The following CYP2D6 variants were observed in gnomAD, a reference collection of about 807,000 sequenced individuals.
CYP2D6 encodes the protein cytochrome P450 family 2 subfamily D member 6 (gene/pseudogene).
CYP2D6 carries 51 observed loss-of-function variants against 43.5 expected under a neutral mutation model. The ratio of observed to expected loss-of-function variants is 1.17; its 90% CI spans 0.94 to 1.48. CYP2D6 has a LOEUF of 1.48. Among genes scored for constraint, CYP2D6 ranks in the 40% most tolerant of loss-of-function variants. The pLI is 0.00. For synonymous variants in CYP2D6, 346 were observed against 297.1 expected (o/e 1.16, Z -1.69); for missense variants, 698 against 688.0 (o/e 1.01, Z -0.16).
chr22:42,126,635 T>A lies in CYP2D6; in HGVS notation c.1433A>T (p.His478Leu). 6.2e-7 allele frequency: 1 copy of A among 1,609,062 alleles called. No homozygotes were observed. The highest frequency in any genetic ancestry group is 8.5e-7 in the Non-Finnish European group (1 of 1,177,618). ...VPTGQPRPSH[H>L]GVFAFLVSPS... ...GCTCACCAGGAAAGCAAAGACACCA[T>A]GGTGGCTGGGCCGGGGCTGTCCAGT... The change falls in exon 9 of 9, where the codon CAT becomes CTT. Residue 478 changes from histidine to leucine, a missense_variant. By Grantham distance (99) the His-to-Leu change is moderately conservative. This residue lies in a region of CYP2D6 where 85 missense variants were observed against 81.2 expected (regional missense o/e 1.05). Coordinates refer to ENST00000645361, the MANE Select transcript of CYP2D6 (RefSeq NM_000106.6).
At position 42,129,718 on chromosome 22, in the gene CYP2D6, C is replaced by A; in HGVS notation, c.352+20G>T. 6.2e-7 allele frequency: 1 copy of A among 1,609,378 alleles called. No individual in the cohort carries two copies. On this transcript the variant is annotated intron_variant, in intron 2 of 8. Transcript: ENST00000645361. The stretch of plus-strand genomic sequence containing the variant: ...ACCCGGGTCCCACGGAAATCTGTCT[C>A]TGTCCCCACCGCTGCTTGCCTTGGG...
intron 2 of CYP2D6, 174 bp from the exon 3 acceptor site, chr22:42,129,359 GC>G: frequency 2.1e-6 from 2 of 972,252 alleles, no homozygotes; most frequent in South Asian, 1.4e-5. Flanking sequence ...GCAGGGCTTT[GC>G]CCCACCTCGT....
At chr22:42,129,361 C>G in intron 2 of CYP2D6, 176 bp from the exon 3 acceptor site, 1 of 960,420 alleles carries the variant, frequency 1.0e-6, no homozygotes, top group Non-Finnish European at 1.6e-6. Context: ...AGGGCTTTGC[C>G]CCACCTCGTC....
intron 1 of CYP2D6, chr22:42,130,396 C>T (rs1461512484): frequency 3.1e-6 from 2 of 637,396 alleles, no homozygotes; most frequent in South Asian, 3.7e-5. Context: ...CCAAGTCCAG[C>T]TCCACCTCCA....
At chr22:42,130,395 G>A in intron 1 of CYP2D6, 1 of 635,834 alleles carries the variant, frequency 1.6e-6, no homozygotes, top group Non-Finnish European at 2.8e-6. Context: ...GCCAAGTCCA[G>A]CTCCACCTCC....
chr22:42,128,092 A>C (rs2146933744), intron 5 of CYP2D6, 82 bp downstream of exon 5: 1 of 1,585,740 alleles, frequency 6.3e-7, no homozygotes, highest in East Asian at 2.3e-5. Flanking sequence ...GCACTGGTCC[A>C]ACCTTTTGCC....
intron 4 of CYP2D6, 68 bp downstream of exon 4, chr22:42,128,716 C>T (rs1029989133): frequency 2.0e-6 from 3 of 1,537,418 alleles, no homozygotes; most frequent in South Asian, 2.4e-5. Flanking sequence ...TCTTCCGAGG[C>T]CCCAGTCCAG....
chr22:42,129,589 C>G, intron 2 of CYP2D6, 149 bp downstream of exon 2: 1 of 1,080,300 alleles, frequency 9.3e-7, no homozygotes, highest in Non-Finnish European at 1.4e-6. Context: ...GCTCACACCT[C>G]CCTAGTGCAG....
At chr22:42,128,748 C>G (rs752511026) in intron 4 of CYP2D6, 36 bp downstream of exon 4, 1 of 1,589,794 alleles carries the variant, frequency 6.3e-7, no homozygotes, top group Admixed American at 1.7e-5. Flanking sequence ...CTCGGGAGCT[C>G]GCCCTGCAGA....
chr22:42,128,246 C>T lies in CYP2D6; in HGVS notation c.771G>A (p.Glu257=). The T allele has an allele frequency of 6.2e-7, 1 of 1,610,672 alleles. No individual in the cohort carries two copies. Among genetic ancestry groups the T allele is most frequent in the East Asian group, 2.2e-5 (1 of 44,750 alleles). The change falls in exon 5 of 9, where the codon GAG becomes GAA. Residue 257 remains glutamate, a synonymous_variant. Coordinates refer to ENST00000645361, the MANE Select transcript of CYP2D6 (RefSeq NM_000106.6). ...GGGCTGGGTCCCAGGTCATCCTGTG[C>T]TCAGTTAGCAGCTCATCCAGCTGGG... The part of the protein sequence containing the change: ...FLTQLDELLT[E]HRMTWDPAQP...
rs1243885787 is a variant in CYP2D6, at chr22:42,129,818, A to G, written c.272T>C (p.Leu91Pro). The G allele has an allele frequency of 6.2e-7, 1 of 1,602,722 alleles. No individual in the cohort carries two copies. The highest frequency in any genetic ancestry group is 8.5e-7 in the Non-Finnish European group (1 of 1,174,448). ...LNGLAAVREA[L>P]VTHGEDTADR... Reference sequence around the variant, plus strand: ...GGCGGTGTCCTCGCCGTGGGTCACCAGCGCCTCGCGCACGGCCGCCAGCCC... The same window carrying G: ...GGCGGTGTCCTCGCCGTGGGTCACCGGCGCCTCGCGCACGGCCGCCAGCCC... The change falls in exon 2 of 9, where the codon CTG becomes CCG. Residue 91 changes from leucine to proline, a missense_variant. By Grantham distance (98) the Leu-to-Pro change is moderately conservative (BLOSUM62 -3). Around this residue, in one of 5 missense-constraint regions of CYP2D6, gnomAD observed 588 missense variants for 521.1 expected, o/e 1.13. Coordinates refer to ENST00000645361, the MANE Select transcript of CYP2D6 (RefSeq NM_000106.6).
chr22:42,129,089 T>G lies in CYP2D6; in HGVS notation c.449A>C (p.Glu150Ala). Residue 150 changes from glutamate (E) to alanine (A), a missense_variant, in exon 3 of 9, where the codon GAG becomes GCG. Around this residue, in one of 5 missense-constraint regions of CYP2D6, gnomAD observed 588 missense variants for 521.1 expected, o/e 1.13. Transcript: ENST00000645361. ...GGCGGCCTCCTCGGTCACCCACTGCTCCAGCGACTTCTTGCCCAGGCCCAA... is the reference window on the plus strand; with the variant it reads ...GGCGGCCTCCTCGGTCACCCACTGCGCCAGCGACTTCTTGCCCAGGCCCAA... The part of the protein sequence containing the change: ...RNLGLGKKSL[E>A]QWVTEEAACL... 2.5e-6 allele frequency: 4 copies of G among 1,610,112 alleles called. No homozygotes were observed. Among genetic ancestry groups the G allele is most frequent in the Non-Finnish European group, 3.4e-6 (4 of 1,177,844 alleles).
rs1931141853 is a variant in CYP2D6 at position 42,127,598 on chromosome 22, T to A, written c.1022A>T (p.Gln341Leu). 6.2e-7 allele frequency: 1 copy of A among 1,611,888 alleles called. No homozygotes were observed. The highest frequency in any genetic ancestry group is 1.7e-5 in the Admixed American group (1 of 59,940). The part of the protein sequence containing the change: ...VQQEIDDVIG[Q>L]VRRPEMGDQA... ...GTCACCCATCTCTGGTCGCCGCACC[T>A]GCCCTATCACGTCGTCGATCTCCTG... The change falls in exon 7 of 9, where the codon CAG (glutamine) becomes CTG (leucine). Residue 341 changes from glutamine (Q) to leucine (L), a missense_variant. Physicochemically the swap from Gln to Leu is moderately radical, Grantham distance 113. This residue lies in a region of CYP2D6 where 588 missense variants were observed against 521.1 expected (regional missense o/e 1.13). Coordinates refer to ENST00000645361, the MANE Select transcript of CYP2D6 (RefSeq NM_000106.6).
Position 42,128,340 on chromosome 22 carries a change from G to A in CYP2D6, c.677C>T (p.Ala226Val), listed in dbSNP as rs140900383. Residue 226 changes from alanine to valine, a missense_variant, in exon 5 of 9, where the codon GCT becomes GTT. Coordinates refer to ENST00000645361, the MANE Select transcript of CYP2D6 (RefSeq NM_000106.6). ...ESGFLREVLNAVPVLLHIPAL... is the reference protein window; with the variant it reads ...ESGFLREVLNVVPVLLHIPAL... ...TGGGATATGCAGGAGGACGGGGACA[G>A]CATTCAGCACCTACACCAGACAGAA... The A allele has an allele frequency of 2.5e-6, 4 of 1,610,332 alleles. No homozygotes were observed. The highest frequency in any genetic ancestry group is 2.2e-5 in the South Asian group (2 of 90,874).
In CYP2D6 at chr22:42,128,874, C is replaced by T. The variant is rs779492927; in HGVS notation, c.576G>A (p.Gly192=). ...GAGGGTCGTCGTACTCGAAGCGGCGCCCGCAGGTGAGGGAGGCGATCACGT... is the reference window on the plus strand; with the variant it reads ...GAGGGTCGTCGTACTCGAAGCGGCGTCCGCAGGTGAGGGAGGCGATCACGT... ...VSNVIASLTC[G]RRFEYDDPRF... is the part of the protein sequence containing the mutation. Residue 192 remains glycine (G), a synonymous_variant, in exon 4 of 9, where the codon GGG becomes GGA. Coordinates refer to ENST00000645361, the MANE Select transcript of CYP2D6 (RefSeq NM_000106.6). 20 of 1,601,132 alleles carry T rather than the reference C, an allele frequency of 1.2e-5. 1 individual carries two copies. In the African/African-American group the frequency reaches 2.3e-4, roughly 18 times the overall value.
chr22:42,127,995 C>T lies in CYP2D6; in HGVS notation c.844-12G>A, dbSNP rs377494235. 1.0e-4 allele frequency: 167 copies of T among 1,611,176 alleles called. 6 individuals are homozygous for T. Among genetic ancestry groups the T allele is most frequent in the South Asian group, 3.8e-4 (35 of 90,926 alleles). ...GGGTTCCCCTTGGCCTGAGCAGGGCCGAGAGCATACTCGGGACAGAACGGG... is the reference window on the plus strand; with the variant it reads ...GGGTTCCCCTTGGCCTGAGCAGGGCTGAGAGCATACTCGGGACAGAACGGG... On this transcript the variant is annotated splice_polypyrimidine_tract_variant and intron_variant, in intron 5 of 8. Coordinates refer to ENST00000645361, the MANE Select transcript of CYP2D6 (RefSeq NM_000106.6).
Position 42,128,142 on chromosome 22 carries a change from C to T in CYP2D6, c.843+32G>A, listed in dbSNP as rs762845557. ...TCCTCCTGGGACGCTCAACCCACCA[C>T]CCTTGCCCCCCACCGTGGCAGCCAC... On this transcript the variant is annotated intron_variant, in intron 5 of 8. Transcript: ENST00000645361. The T allele has an allele frequency of 4.4e-6, 7 of 1,589,640 alleles. No homozygotes were observed. The African/African-American group carries it at 9.5e-5, about 22-fold the overall frequency.
rs1931283455 is a variant in CYP2D6 at position 42,128,221 on chromosome 22, G to A, written c.796C>T (p.Gln266Ter). 1.2e-6 allele frequency: 2 copies of A among 1,609,948 alleles called. No individual in the cohort carries two copies. Among genetic ancestry groups the A allele is most frequent in the Admixed American group, 1.7e-5 (1 of 59,764 alleles). ...TEHRMTWDPA[Q>*]PPRDLTEAFL... The stretch of plus-strand genomic sequence containing the variant: ...GCCTCAGTCAGGTCTCGGGGGGGCT[G>A]GGCTGGGTCCCAGGTCATCCTGTGC... Residue 266 changes from glutamine to a stop codon, truncating the protein, a stop_gained, in exon 5 of 9, where the codon CAG becomes TAG. Coordinates refer to ENST00000645361, the MANE Select transcript of CYP2D6 (RefSeq NM_000106.6). LOFTEE classifies it high-confidence loss of function.
intron 2 of CYP2D6, 67 bp from the exon 3 acceptor site, chr22:42,129,252 C>A: frequency 6.4e-7 from 1 of 1,552,208 alleles, no homozygotes; most frequent in Non-Finnish European, 8.8e-7. Flanking sequence ...CCACCCACTC[C>A]AACCCTATGC....
Sources: gnomAD v4.1 joint callset for allele counts on GRCh38, gnomAD v4.1.1 for gene constraint, gnomAD v4.1.1 regional missense constraint, MANE v1.5 for transcripts, NCBI Gene and HGNC (gene_info 2026-07-23, HGNC 2026-07-21) for gene names.